Variants in SGK3 observed in about 807,000 individuals in gnomAD.
The protein encoded by SGK3 is serum/glucocorticoid regulated kinase family member 3.
Under a neutral mutation model 68.5 loss-of-function variants are expected in SGK3, and 47 were observed. The observed-to-expected ratio is 0.69, with a 90% confidence interval of 0.54 to 0.87. The LOEUF (loss-of-function observed/expected upper bound fraction) is 0.87, where lower values mean the gene tolerates loss of function less well. Ranked by LOEUF, SGK3 falls within the 40% of genes least tolerant of loss-of-function variation. SGK3 has a pLI of 0.00. For missense variants in SGK3, 479 were observed against 575.5 expected, an observed-to-expected ratio of 0.83 and a Z score of 1.72; for synonymous variants, 181 against 189.1, an observed-to-expected ratio of 0.96 and a Z score of 0.35.
intron 1 of SGK3, among the ~76,000 whole-genome samples, chr8:66,751,940 T>C (rs189563934): frequency 1.3e-5 from 2 of 152,140 alleles, no homozygotes; most frequent in Admixed American, 1.3e-4. Flanking sequence ...TAATTTTGTA[T>C]TTTTAGTAGA....
intron 1 of SGK3, among the ~76,000 whole-genome samples, chr8:66,733,472 C>A (rs962922512): frequency 6.6e-6 from 1 of 152,014 alleles, no homozygotes; most frequent in African/African-American, 2.4e-5. Context: ...TCCTGTGAAA[C>A]GATTTAGGAA....
At chr8:66,740,628 C>T (rs554952752) in intron 1 of SGK3, among the ~76,000 whole-genome samples, 17 of 152,178 alleles carry the variant, frequency 1.1e-4, no homozygotes, top group East Asian at 5.8e-4. Context: ...AGGCTGAGGC[C>T]GGGCACAGTG....
At chr8:66,721,992 T>C (rs1301413525) in intron 1 of SGK3, among the ~76,000 whole-genome samples, 1 of 152,162 alleles carries the variant, frequency 6.6e-6, no homozygotes, top group Non-Finnish European at 1.5e-5. Context: ...AGTAGAGATA[T>C]ACACTGGTGA....
chr8:66,828,868 T>C (rs1425394598), intron 7 of SGK3, among the ~76,000 whole-genome samples, 165 bp downstream of exon 7: 1 of 151,656 alleles, frequency 6.6e-6, no homozygotes, highest in African/African-American at 2.4e-5. Flanking sequence ...CTCCAGCTTT[T>C]CACTGCTTTA....
At position 66,780,872 on chromosome 8, in the gene SGK3, T is replaced by A. The variant is rs144113031; in HGVS notation, c.-121-12744T>A. 3.2e-3 allele frequency among the ~76,000 whole-genome samples: 484 copies of A among 151,986 alleles called. 3 individuals carry two copies. Among genetic ancestry groups the A allele is most frequent in the African/African-American group, 0.011 (470 of 41,442 alleles). ...ATTGGTCTGGCTACTGGGGAAAAAA[T>A]GGATTGGAGGGAGTTTAGAATGGAA... On this transcript the variant is annotated intron_variant, in intron 1 of 16. Transcript: ENST00000521198.
At chr8:66,723,090 CATATATATATATATATATATATATATAT>C (rs1168038766) in intron 1 of SGK3, among the ~76,000 whole-genome samples, 4 of 21,276 alleles carry the variant, frequency 1.9e-4, no homozygotes, top group African/African-American at 4.9e-4. Context: ...AGATTTTGTT[CATATATATATATATATATATATATATAT>C]ATATATATAT....
At chr8:66,729,149 G>A (rs1304202122) in intron 1 of SGK3, among the ~76,000 whole-genome samples, 1 of 150,716 alleles carries the variant, frequency 6.6e-6, no homozygotes, top group East Asian at 1.9e-4. Context: ...AACCCAGGAG[G>A]CGGAGCTTGC....
At chr8:66,772,337 C>T (rs1806537006) in intron 1 of SGK3, among the ~76,000 whole-genome samples, 1 of 150,494 alleles carries the variant, frequency 6.6e-6, no homozygotes, top group Admixed American at 6.6e-5. Flanking sequence ...ATCCTCCTGT[C>T]TTAGCCTCCC....
At position 66,849,421 on chromosome 8, in the gene SGK3, T is replaced by C. The variant is rs1172979087; in HGVS notation, c.1231-1410T>C. On this transcript the variant is annotated intron_variant, in intron 15 of 16. Transcript: ENST00000521198. ...CATATTCAACAAACAGCCAGTTCCT[T>C]TTTGCTGCCTGAATCTTTCCCATAT... Among the ~76,000 whole-genome samples the C allele has an allele frequency of 2.0e-5, 3 of 152,000 alleles. No individual in the cohort carries two copies. In the East Asian group the frequency reaches 5.8e-4, roughly 29 times the overall value.
chr8:66,741,553 A>AAAT (rs996909474), intron 1 of SGK3, among the ~76,000 whole-genome samples: 21 of 151,776 alleles, frequency 1.4e-4, no homozygotes, highest in African/African-American at 3.4e-4. Flanking sequence ...CCATCTCAAA[A>AAAT]AATAATAATA....
At chr8:66,798,741 C>A in intron 3 of SGK3, 116 bp downstream of exon 3, 1 of 855,380 alleles carries the variant, frequency 1.2e-6, no homozygotes, top group Non-Finnish European at 1.7e-6. Context: ...GTCAGACAGG[C>A]AGACAAAGGT....
At chr8:66,788,427 G>T (rs1171574001) in intron 1 of SGK3, among the ~76,000 whole-genome samples, 4 of 152,144 alleles carry the variant, frequency 2.6e-5, no homozygotes, top group Admixed American at 2.6e-4. Flanking sequence ...AAACCCTAAG[G>T]GTCTGAAACT....
chr8:66,786,392 G>A (rs974772379), intron 1 of SGK3, among the ~76,000 whole-genome samples: 3 of 152,144 alleles, frequency 2.0e-5, no homozygotes, highest in Non-Finnish European at 4.4e-5. Context: ...ATTTCTTCTA[G>A]TTAGGGCTAT....
At chr8:66,718,483 T>C (rs920960147) in intron 1 of SGK3, among the ~76,000 whole-genome samples, 1 of 151,686 alleles carries the variant, frequency 6.6e-6, no homozygotes, top group Non-Finnish European at 1.5e-5. Context: ...GTATGACCAG[T>C]ATATAGTCTA....
At chr8:66,828,080 C>T (rs539514775) in intron 6 of SGK3, among the ~76,000 whole-genome samples, 2 of 151,300 alleles carry the variant, frequency 1.3e-5, no homozygotes, top group African/African-American at 2.4e-5. Flanking sequence ...GCCGAGATCA[C>T]GCCACAGCAC....
intron 15 of SGK3, 94 bp from the exon 16 acceptor site, chr8:66,850,737 G>T: frequency 8.2e-7 from 1 of 1,223,610 alleles, no homozygotes; most frequent in Non-Finnish European, 1.1e-6. Context: ...TTATTGAGGG[G>T]CAAAATAGTA....
chr8:66,768,191 A>G (rs1215796096), intron 1 of SGK3, among the ~76,000 whole-genome samples: 3 of 152,200 alleles, frequency 2.0e-5, no homozygotes, highest in Admixed American at 6.5e-5. Context: ...TTTTACTGAT[A>G]CATTAGATAT....
At chr8:66,836,132 A>G (rs1250959434) in intron 10 of SGK3, 58 bp downstream of exon 10, 1 of 1,559,668 alleles carries the variant, frequency 6.4e-7, no homozygotes, top group African/African-American at 1.4e-5. Context: ...CATAAAGTCA[A>G]AGTTTTTCTT....
intron 13 of SGK3, among the ~76,000 whole-genome samples, chr8:66,842,411 G>C (rs530734075): frequency 2.0e-5 from 3 of 151,758 alleles, no homozygotes; most frequent in African/African-American, 7.3e-5. Flanking sequence ...TGGTAGAGAC[G>C]GGGTTTCACC....
Sources: gnomAD v4.1 joint callset for allele counts (sites outside exome capture counted in the v4.1 genomes callset) on GRCh38, gnomAD v4.1.1 for gene constraint, MANE v1.5 for transcripts, NCBI Gene and HGNC (gene_info 2026-07-23, HGNC 2026-07-21) for gene names.